Variants in SEPTIN11 observed in about 807,000 individuals in gnomAD.
SEPTIN11 encodes septin-11.
Under a neutral mutation model 51.4 loss-of-function variants are expected in SEPTIN11, and 25 were observed. The observed-to-expected ratio is 0.49, with a 90% confidence interval of 0.35 to 0.68. SEPTIN11 has a LOEUF of 0.68. Among genes scored for constraint, SEPTIN11 ranks in the 30% least tolerant of loss-of-function variants. SEPTIN11 has a pLI of 0.00. For synonymous variants in SEPTIN11, 174 were observed against 184.1 expected (o/e 0.95, Z 0.44); for missense variants, 381 against 520.8 (o/e 0.73, Z 2.61).
At chr4:77,026,588 C>T (rs1726161115) in intron 7 of SEPTIN11, among the ~76,000 whole-genome samples, 1 of 152,168 alleles carries the variant, frequency 6.6e-6, no homozygotes, top group Non-Finnish European at 1.5e-5. Context: ...CACCATTCTC[C>T]CTTCCGTCTT....
intron 3 of SEPTIN11, among the ~76,000 whole-genome samples, chr4:77,008,437 A>C (rs1372851484): frequency 1.3e-5 from 2 of 152,188 alleles, no homozygotes; most frequent in East Asian, 1.9e-4. Context: ...TTGGCCTTTA[A>C]ATTTTAAGTT....
chr4:76,996,540 G>C lies in SEPTIN11; in HGVS notation c.142+1G>C. 6.2e-7 allele frequency: 1 copy of C among 1,607,474 alleles called. No individual in the cohort carries two copies. ...TTCTGTTTCAACATCCTTTGTGTTG[G>C]TAAGTTATTCATCACCCCACAGCAA... On this transcript the variant is annotated splice_donor_variant, in intron 2 of 9. Coordinates refer to ENST00000264893, the MANE Select transcript of SEPTIN11 (RefSeq NM_018243.4). LOFTEE classifies it high-confidence loss of function.
chr4:76,994,971 T>A (rs1034793961), intron 1 of SEPTIN11, among the ~76,000 whole-genome samples: 6 of 144,858 alleles, frequency 4.1e-5, no homozygotes, highest in African/African-American at 1.0e-4. Context: ...GGCACATGCC[T>A]GTAGTCACAG....
At chr4:77,026,119 T>C (rs1726125681) in intron 7 of SEPTIN11, among the ~76,000 whole-genome samples, 1 of 152,220 alleles carries the variant, frequency 6.6e-6, no homozygotes, top group Non-Finnish European at 1.5e-5. Flanking sequence ...ATTCATAGTT[T>C]CATAAGATGG....
intron 3 of SEPTIN11, among the ~76,000 whole-genome samples, chr4:77,006,183 G>C (rs1366545322): frequency 6.6e-6 from 1 of 152,054 alleles, no homozygotes; most frequent in Non-Finnish European, 1.5e-5. Flanking sequence ...ACTTCATACT[G>C]CTTGGGAAGC....
At chr4:77,039,583 A>G (rs1433705472), downstream of SEPTIN11, 4 of 985,214 alleles carry the variant, frequency 4.1e-6, no homozygotes, top group Admixed American at 1.2e-4. Context: ...GTCAGGTCAT[A>G]AGATCCGAGC....
intron 1 of SEPTIN11, among the ~76,000 whole-genome samples, chr4:76,962,599 C>T (rs1234263688): frequency 6.6e-6 from 1 of 152,192 alleles, no homozygotes; most frequent in Non-Finnish European, 1.5e-5. Context: ...TAATTCCTTT[C>T]ACACCCTGAC....
intron 1 of SEPTIN11, among the ~76,000 whole-genome samples, chr4:76,962,603 C>T (rs936541870): frequency 1.3e-5 from 2 of 152,156 alleles, no homozygotes; most frequent in Admixed American, 6.5e-5. Context: ...TCCTTTCACA[C>T]CCTGACGTAA....
intron 7 of SEPTIN11, among the ~76,000 whole-genome samples, chr4:77,025,940 A>G (rs1333360340): frequency 1.3e-5 from 2 of 152,220 alleles, no homozygotes; most frequent in Non-Finnish European, 2.9e-5. Context: ...AATCTTGCCA[A>G]TGGCAAAGTT....
intron 1 of SEPTIN11, among the ~76,000 whole-genome samples, chr4:76,953,399 A>G (rs953625351): frequency 6.6e-6 from 1 of 152,262 alleles, no homozygotes; most frequent in African/African-American, 2.4e-5. Flanking sequence ...AATATGATTC[A>G]GGTGAAGGAT....
Position 77,014,686 on chromosome 4 carries a change from A to C in SEPTIN11, c.526-170A>C, listed in dbSNP as rs185064619. 3.3e-3 allele frequency among the ~76,000 whole-genome samples: 492 copies of C among 147,824 alleles called. 2 individuals are homozygous for C. The highest frequency in any genetic ancestry group is 0.011 in the African/African-American group (454 of 40,582). ...CAAAAAAAAAAAAAATTGTAGGTAC[A>C]TAGGAGGCGTATATATTTATGGGGT... On this transcript the variant is annotated intron_variant, in intron 4 of 9. Coordinates refer to ENST00000264893, the MANE Select transcript of SEPTIN11 (RefSeq NM_018243.4).
intron 7 of SEPTIN11, among the ~76,000 whole-genome samples, chr4:77,022,363 C>T (rs1273296478): frequency 6.6e-6 from 1 of 152,080 alleles, no homozygotes; most frequent in Admixed American, 6.5e-5. Flanking sequence ...CCATCTGGGC[C>T]TGAGTTTCTT....
intron 3 of SEPTIN11, among the ~76,000 whole-genome samples, chr4:77,007,330 T>C (rs1362776742): frequency 6.6e-6 from 1 of 152,180 alleles, no homozygotes; most frequent in African/African-American, 2.4e-5. Context: ...TTAGGAAAAA[T>C]CTTGCTTGTC....
chr4:76,978,345 C>T (rs1178588887), intron 1 of SEPTIN11, among the ~76,000 whole-genome samples: 1 of 152,160 alleles, frequency 6.6e-6, no homozygotes, highest in East Asian at 1.9e-4. Context: ...ACCATGACAA[C>T]CTACCTCTCC....
chr4:76,985,089 G>A (rs1014225954), intron 1 of SEPTIN11: 5 of 152,196 alleles, frequency 3.3e-5, no homozygotes, highest in Non-Finnish European at 4.4e-5. Context: ...GAATGCACAC[G>A]TGGACCTTGT....
chr4:77,007,259 A>C (rs1004779915), intron 3 of SEPTIN11, among the ~76,000 whole-genome samples: 2 of 152,238 alleles, frequency 1.3e-5, no homozygotes, highest in African/African-American at 4.8e-5. Context: ...TACTCACAGA[A>C]TATACCCAGA....
chr4:76,999,791 C>G (rs1326927392), intron 2 of SEPTIN11, among the ~76,000 whole-genome samples: 7 of 152,172 alleles, frequency 4.6e-5, no homozygotes, highest in Non-Finnish European at 1.0e-4. Context: ...GTTTTCATTT[C>G]ACTGGGAAGA....
chr4:76,987,901 A>G (rs1723128228), intron 1 of SEPTIN11: 3 of 816,538 alleles, frequency 3.7e-6, no homozygotes, highest in Non-Finnish European at 3.0e-6. Context: ...CCAAGTGGGT[A>G]TTCTGTAAGG....
intron 1 of SEPTIN11, among the ~76,000 whole-genome samples, chr4:76,950,656 AG>A (rs1207591079): frequency 2.6e-5 from 4 of 151,714 alleles, no homozygotes; most frequent in African/African-American, 9.7e-5. Context: ...CCACGGCGGG[AG>A]GGAGGAGAGT....
Sources: gnomAD v4.1 joint callset for allele counts (sites outside exome capture counted in the v4.1 genomes callset) on GRCh38, gnomAD v4.1.1 for gene constraint, MANE v1.5 for transcripts, NCBI Gene and HGNC (gene_info 2026-07-23, HGNC 2026-07-21) for gene names.